Variants in SRGAP2 observed in about 807,000 individuals in gnomAD.
SRGAP2 encodes SLIT-ROBO Rho GTPase activating protein 2.
SRGAP2 carries 15 observed loss-of-function variants against 57.2 expected under a neutral mutation model. The ratio of observed to expected loss-of-function variants is 0.26; its 90% CI spans 0.18 to 0.40. The LOEUF is 0.40. Ranked by LOEUF, SRGAP2 falls within the 10% of genes least tolerant of loss-of-function variation. The pLI is 1.00. For synonymous variants in SRGAP2, 249 were observed against 248.0 expected (o/e 1.00, Z -0.04); for missense variants, 520 against 669.6 (o/e 0.78, Z 2.47).
chr1:206,446,001 CG>C, intron 17 of SRGAP2, 73 bp from the exon 18 acceptor site: 1 of 742,748 alleles, frequency 1.3e-6, no homozygotes, highest in Non-Finnish European at 2.5e-6. Context: ...CTCTTGGCAG[CG>C]CCTCCTGTGA....
chr1:206,457,037 C>CA (rs1422551261), intron 21 of SRGAP2, among the ~76,000 whole-genome samples: 38 of 152,094 alleles, frequency 2.5e-4, no homozygotes, highest in Admixed American at 8.5e-4. Flanking sequence ...TTTTGGTACT[C>CA]ACGCTTCACT....
intron 11 of SRGAP2, 112 bp from the exon 12 acceptor site, chr1:206,419,261 G>C (rs941648908): frequency 1.4e-6 from 1 of 726,858 alleles, no homozygotes; most frequent in Non-Finnish European, 2.6e-6. Flanking sequence ...GCCACACACT[G>C]TTATACTGTG....
rs1663496107 is a variant in SRGAP2 at position 206,453,260 on chromosome 1, T to C, written c.2240T>C (p.Leu747Pro). Residue 747 changes from leucine (L) to proline (P), a missense_variant, in exon 20 of 23, where the codon CTA (leucine) becomes CCA (proline). Physicochemically the swap from Leu to Pro is moderately conservative, Grantham distance 98. This residue lies in a region of SRGAP2 where 478 missense variants were observed against 373.6 expected (regional missense o/e 1.28). Coordinates refer to ENST00000573034, the MANE Select transcript of SRGAP2 (RefSeq NM_015326.5). ...TACGTGGGCCGGACAGCCCGAGAGC[T>C]ATCCTTTAAGAAGGGAGCATCCCTG... ...FDYVGRTARELSFKKGASLLL... is the reference protein window; with the variant it reads ...FDYVGRTAREPSFKKGASLLL... 1.3e-6 allele frequency: 1 copy of C among 745,024 alleles called. No homozygotes were observed. The highest frequency in any genetic ancestry group is 2.5e-6 in the Non-Finnish European group (1 of 399,198). 46.2% of individuals were successfully genotyped at this position (745,024 alleles called of 1,614,324 possible).
chr1:206,264,557 G>T, intron 2 of SRGAP2, among the ~76,000 whole-genome samples: 1 of 87,598 alleles, frequency 1.1e-5, no homozygotes, highest in East Asian at 3.2e-4. Flanking sequence ...ATTCTGCCTT[G>T]ATAGGAAGAA....
rs1291883831 is a variant in SRGAP2 at position 206,287,213 on chromosome 1, G to A, written c.68-16068G>A. On this transcript the variant is annotated intron_variant, in intron 2 of 22. Transcript: ENST00000573034. Reference sequence around the variant, plus strand: ...ATGGTGGTACCGTTACTGGGGTAGGGAACATGCTGGGGTGGGGTCAGGATG... The same window carrying A: ...ATGGTGGTACCGTTACTGGGGTAGGAAACATGCTGGGGTGGGGTCAGGATG... 6.6e-5 allele frequency among the ~76,000 whole-genome samples: 10 copies of A among 152,298 alleles called. No individual in the cohort carries two copies. The South Asian group carries it at 1.9e-3, about 28-fold the overall frequency.
rs1663606316 is a variant in SRGAP2 at position 206,454,151 on chromosome 1, T to A, written c.2361-727T>A. The A allele has an allele frequency of 7.1e-6, 5 of 702,454 alleles. No individual in the cohort carries two copies. Among genetic ancestry groups the A allele is most frequent in the Non-Finnish European group, 1.0e-5 (4 of 384,996 alleles). 43.5% of individuals were successfully genotyped at this position (702,454 alleles called of 1,614,324 possible). Reference sequence around the variant, plus strand: ...TAATATTATTTTTTAAAGGTTGATATCCTGAGTGAGTCTGCACCCTCCCAG... The same window carrying A: ...TAATATTATTTTTTAAAGGTTGATAACCTGAGTGAGTCTGCACCCTCCCAG... On this transcript the variant is annotated intron_variant, in intron 20 of 22. Coordinates refer to ENST00000573034, the MANE Select transcript of SRGAP2 (RefSeq NM_015326.5). This position sits in a 1 kb window ranked among gnomAD's most constrained non-coding sequence, Gnocchi z 4.3.
In SRGAP2 at chr1:206,370,198, G is replaced by A. The variant is rs535305820; in HGVS notation, c.424-13816G>A. On this transcript the variant is annotated intron_variant, in intron 4 of 22. Coordinates refer to ENST00000573034, the MANE Select transcript of SRGAP2 (RefSeq NM_015326.5). ...GGAGAATGGCGTGAACCCAGGAGGC[G>A]GAGCTTGCAGTGAGCAGAGATCGCA... Among the ~76,000 whole-genome samples the A allele has an allele frequency of 2.1e-3, 324 of 151,884 alleles. 6 individuals carry two copies. The highest frequency in any genetic ancestry group is 0.019 in the Admixed American group (289 of 15,262).
Position 206,454,279 on chromosome 1 carries a change from A to T in SRGAP2, c.2361-599A>T. 1.5e-6 allele frequency: 1 copy of T among 688,152 alleles called. No homozygotes were observed. The highest frequency in any genetic ancestry group is 2.7e-5 in the East Asian group (1 of 37,090). The allele number at this position is 688,152 out of a possible 1,614,324, so 42.6% of individuals were successfully genotyped here. On this transcript the variant is annotated intron_variant, in intron 20 of 22. Coordinates refer to ENST00000573034, the MANE Select transcript of SRGAP2 (RefSeq NM_015326.5). This position sits in a 1 kb window ranked among gnomAD's most constrained non-coding sequence, Gnocchi z 4.3. The stretch of plus-strand genomic sequence containing the variant: ...ACAGGACCCTCCCAAATTTAGCATT[A>T]TGACTTCACCACAGGATCAAGAGAA...
intron 2 of SRGAP2, among the ~76,000 whole-genome samples, chr1:206,229,751 T>G (rs868932243): frequency 2.0e-5 from 3 of 152,148 alleles, no homozygotes; most frequent in Middle Eastern, 3.4e-3. Context: ...ATAGCTTCTT[T>G]TAGAGACTCA....
rs187303040 is a variant in SRGAP2 at position 206,350,903 on chromosome 1, G to A, written c.423+7895G>A. Among the ~76,000 whole-genome samples, 25 of 152,058 alleles carry A rather than the reference G, an allele frequency of 1.6e-4. No individual in the cohort carries two copies. In the East Asian group the frequency reaches 3.9e-3, roughly 24 times the overall value. ...AGGCTCAGTTAATACTTTTCTCCGG[G>A]GCCTTGGAGATGTTAAACATGTCCT... On this transcript the variant is annotated intron_variant, in intron 4 of 22. Coordinates refer to ENST00000573034, the MANE Select transcript of SRGAP2 (RefSeq NM_015326.5).
chr1:206,436,263 C>A (rs149915963), intron 14 of SRGAP2, among the ~76,000 whole-genome samples: 5 of 152,128 alleles, frequency 3.3e-5, no homozygotes, highest in South Asian at 2.1e-4. Flanking sequence ...AACAATCAAA[C>A]CGTGTTAAAA....
At chr1:206,447,315 TA>T (rs1427395614) in intron 18 of SRGAP2, among the ~76,000 whole-genome samples, 1 of 152,154 alleles carries the variant, frequency 6.6e-6, no homozygotes, top group Non-Finnish European at 1.5e-5. Flanking sequence ...TCGACTGAGG[TA>T]GGGGAGGACA....
At chr1:206,248,345 A>T (rs1334662803) in intron 2 of SRGAP2, among the ~76,000 whole-genome samples, 4 of 152,186 alleles carry the variant, frequency 2.6e-5, no homozygotes, top group African/African-American at 7.2e-5. Flanking sequence ...TCTCAGGGAA[A>T]TAACCAAGTT....
At chr1:206,457,233 G>A (rs1292357810) in intron 21 of SRGAP2, among the ~76,000 whole-genome samples, 1 of 152,126 alleles carries the variant, frequency 6.6e-6, no homozygotes, top group Non-Finnish European at 1.5e-5. Flanking sequence ...AGCTATTAGG[G>A]TGTGGCACTT....
intron 4 of SRGAP2, among the ~76,000 whole-genome samples, chr1:206,371,516 G>A (rs1328817061): frequency 1.3e-5 from 2 of 149,056 alleles, no homozygotes; most frequent in African/African-American, 5.0e-5. Context: ...AGATCACGAG[G>A]TCAGGAGATT....
At chr1:206,370,110 A>C (rs1262939494) in intron 4 of SRGAP2, among the ~76,000 whole-genome samples, 1 of 150,868 alleles carries the variant, frequency 6.6e-6, no homozygotes, top group African/African-American at 2.4e-5. Flanking sequence ...CTAAAAATAC[A>C]AAAAAATTGG....
At chr1:206,436,305 A>G (rs1268591776) in intron 14 of SRGAP2, among the ~76,000 whole-genome samples, 4 of 151,898 alleles carry the variant, frequency 2.6e-5, no homozygotes, top group Non-Finnish European at 5.9e-5. Flanking sequence ...CTCAGACCTT[A>G]TGAAACTCCT....
intron 10 of SRGAP2, among the ~76,000 whole-genome samples, chr1:206,410,811 G>A (rs191557475): frequency 2.0e-5 from 3 of 152,294 alleles, no homozygotes; most frequent in Admixed American, 6.5e-5. Flanking sequence ...GATGCTCGCT[G>A]TTTAGCCAAG....
At chr1:206,291,190 G>C (rs1671298169) in intron 2 of SRGAP2, among the ~76,000 whole-genome samples, 2 of 151,300 alleles carry the variant, frequency 1.3e-5, no homozygotes, top group South Asian at 4.2e-4. Context: ...AAATGGATGG[G>C]GGAGAGTGGT....
Sources: gnomAD v4.1 joint callset for allele counts (sites outside exome capture counted in the v4.1 genomes callset) on GRCh38, gnomAD v4.1.1 for gene constraint, gnomAD v4.1.1 regional missense constraint, Gnocchi (gnomAD v3.1) non-coding constraint, MANE v1.5 for transcripts, NCBI Gene and HGNC (gene_info 2026-07-23, HGNC 2026-07-21) for gene names.